Variants in DYRK4 observed in about 807,000 individuals in gnomAD.
The protein encoded by DYRK4 is dual specificity tyrosine phosphorylation regulated kinase 4, also known as dual specificity tyrosine-phosphorylation-regulated kinase 4.
In DYRK4, 64 loss-of-function variants were observed where a neutral mutation model predicts 68.3. The ratio of observed to expected loss-of-function variants is 0.94; its 90% confidence interval spans 0.77 to 1.15. DYRK4 has a LOEUF of 1.15. DYRK4 is among the 50% of genes most tolerant of loss of function. The pLI is 0.00. For missense variants in DYRK4, 740 were observed against 764.7 expected (o/e 0.97, Z 0.38); for synonymous variants, 274 against 289.9 (o/e 0.95, Z 0.56).
intron 8 of DYRK4, 170 bp downstream of exon 8, chr12:4,596,899 G>T (rs1945024183): frequency 6.9e-7 from 1 of 1,456,724 alleles, no homozygotes; most frequent in Admixed American, 2.8e-5. Context: ...TGGGATGAAA[G>T]CAGGCCATCT....
At chr12:4,598,577 C>T (rs1320745282) in intron 8 of DYRK4, among the ~76,000 whole-genome samples, 1 of 152,194 alleles carries the variant, frequency 6.6e-6, no homozygotes, top group Non-Finnish European at 1.5e-5. Flanking sequence ...AGCAGGGGCT[C>T]CCTTTGGCCT....
intron 2 of DYRK4, among the ~76,000 whole-genome samples, chr12:4,575,195 G>A (rs1266546822): frequency 6.6e-6 from 1 of 151,226 alleles, no homozygotes; most frequent in Non-Finnish European, 1.5e-5. Context: ...TGGTGCAAAT[G>A]TACCTTGTCA....
At chr12:4,595,480 G>C (rs1313029854) in intron 6 of DYRK4, among the ~76,000 whole-genome samples, 1 of 152,168 alleles carries the variant, frequency 6.6e-6, no homozygotes, top group Non-Finnish European at 1.5e-5. Flanking sequence ...CTGTGGTTTT[G>C]ATTAACCCCC....
At position 4,582,468 on chromosome 12, in the gene DYRK4, G is replaced by T. The variant is rs144294596; in HGVS notation, c.133-6469G>T. 1.2e-3 allele frequency among the ~76,000 whole-genome samples: 185 copies of T among 152,118 alleles called. 1 individual carries two copies. The highest frequency in any genetic ancestry group is 3.9e-3 in the African/African-American group (162 of 41,436). On this transcript the variant is annotated intron_variant, in intron 2 of 14. Transcript: ENST00000543431. Reference sequence around the variant, plus strand: ...AAAATGAAATGAAATGAGATGAAATGAAATAAAATAAAATAAAAAAGAGTC... The same window carrying T: ...AAAATGAAATGAAATGAGATGAAATTAAATAAAATAAAATAAAAAAGAGTC...
chr12:4,599,888 C>A, intron 10 of DYRK4, 100 bp downstream of exon 10: 2 of 931,392 alleles, frequency 2.1e-6, no homozygotes, highest in Non-Finnish European at 3.4e-6. Context: ...TCAGCTGTCA[C>A]CACTACCAGT....
chr12:4,598,024 C>G (rs1945038253), intron 8 of DYRK4, among the ~76,000 whole-genome samples: 1 of 152,168 alleles, frequency 6.6e-6, no homozygotes, highest in South Asian at 2.1e-4. Flanking sequence ...TGAGATTGTG[C>G]CACTGCACTC....
chr12:4,563,168 A>T (rs1481829229), intron 1 of DYRK4: 1 of 456,054 alleles, frequency 2.2e-6, no homozygotes, highest in South Asian at 1.5e-5. Context: ...GATCACCTAC[A>T]TGTGGTCGGT....
intron 2 of DYRK4, among the ~76,000 whole-genome samples, chr12:4,580,296 T>C (rs1003828563): frequency 1.1e-4 from 17 of 152,120 alleles, no homozygotes; most frequent in Admixed American, 1.1e-3. Context: ...GAAAATCTGG[T>C]CCTCCCAAGA....
chr12:4,576,474 A>G (rs1368522838), intron 2 of DYRK4, among the ~76,000 whole-genome samples: 2 of 152,354 alleles, frequency 1.3e-5, no homozygotes, highest in African/African-American at 4.8e-5. Flanking sequence ...TGCTATAAGC[A>G]TTCATGTGCA....
chr12:4,599,258 A>C (rs1945052748), intron 9 of DYRK4, 92 bp downstream of exon 9: 1 of 1,138,424 alleles, frequency 8.8e-7, no homozygotes, highest in Admixed American at 2.7e-5. Context: ...CCAATCAAAT[A>C]ATTGCCTTTG....
chr12:4,588,214 C>T (rs1565536480), intron 2 of DYRK4, among the ~76,000 whole-genome samples: 1 of 152,140 alleles, frequency 6.6e-6, no homozygotes, highest in Non-Finnish European at 1.5e-5. Context: ...TGTGAGACAC[C>T]ATGCCTGGCC....
intron 1 of DYRK4, among the ~76,000 whole-genome samples, chr12:4,567,035 C>A (rs1944683969): frequency 6.6e-6 from 1 of 152,202 alleles, no homozygotes; most frequent in Admixed American, 6.5e-5. Flanking sequence ...TAAATGGCTG[C>A]ATTATATTTC....
intron 10 of DYRK4, among the ~76,000 whole-genome samples, chr12:4,601,709 C>T (rs1295300465): frequency 6.6e-6 from 1 of 152,130 alleles, no homozygotes; most frequent in African/African-American, 2.4e-5. Flanking sequence ...TTTTACTTTA[C>T]ATATATATCT....
intron 2 of DYRK4, among the ~76,000 whole-genome samples, chr12:4,581,194 G>A (rs1379638607): frequency 6.6e-6 from 1 of 152,152 alleles, no homozygotes; most frequent in Non-Finnish European, 1.5e-5. Flanking sequence ...CTGACATGAT[G>A]AGAATACAGA....
Position 4,610,003 on chromosome 12 carries a change from A to AGTGT in DYRK4, c.1361-139_1361-136dup, listed in dbSNP as rs3217058. ...ATCTACACATGGTTATTTCAAACTG[A>AGTGT]GTGTGTGTGTGTGTGTTTATTGGGG... On this transcript the variant is annotated intron_variant, in intron 12 of 14. Coordinates refer to ENST00000543431, the MANE Select transcript of DYRK4 (RefSeq NM_001394779.1). The AGTGT allele has an allele frequency of 8.8e-4, 371 of 423,826 alleles. 1 individual carries two copies. Among genetic ancestry groups the AGTGT allele is most frequent in the African/African-American group, 3.2e-3 (157 of 49,126 alleles). The allele number at this position is 423,826 out of a possible 1,614,324, so 26.3% of individuals were successfully genotyped here.
chr12:4,600,761 T>C (rs1458834866), intron 10 of DYRK4, among the ~76,000 whole-genome samples: 2 of 151,922 alleles, frequency 1.3e-5, no homozygotes, highest in African/African-American at 4.8e-5. Flanking sequence ...ACGTTTCCCA[T>C]ACCCTGGAAG....
chr12:4,586,672 G>T (rs896392711), intron 2 of DYRK4, among the ~76,000 whole-genome samples: 1 of 150,946 alleles, frequency 6.6e-6, no homozygotes, highest in African/African-American at 2.4e-5. Context: ...GGGGTCACTT[G>T]GTCACCTGGG....
At chr12:4,573,231 C>T in intron 2 of DYRK4, 1 of 1,009,244 alleles carries the variant, frequency 9.9e-7, no homozygotes, top group Non-Finnish European at 1.3e-6. Flanking sequence ...ATCAGTGGCT[C>T]AATGAAGATA....
chr12:4,600,583 T>C (rs1050246658), intron 10 of DYRK4, among the ~76,000 whole-genome samples: 6 of 148,990 alleles, frequency 4.0e-5, no homozygotes, highest in African/African-American at 1.5e-4. Context: ...ACTAGATGGA[T>C]GTTTCCAAAT....
Sources: gnomAD v4.1 joint callset for allele counts (sites outside exome capture counted in the v4.1 genomes callset) on GRCh38, gnomAD v4.1.1 for gene constraint, MANE v1.5 for transcripts, NCBI Gene and HGNC (gene_info 2026-07-23, HGNC 2026-07-21) for gene names.